The following CDH8 variants were observed in gnomAD, a reference collection of about 807,000 sequenced individuals.
The protein encoded by CDH8 is cadherin-8.
CDH8 carries 17 observed loss-of-function variants against 68.1 expected under a neutral mutation model. The observed-to-expected ratio is 0.25, with a 90% CI of 0.17 to 0.37. The LOEUF is 0.37. CDH8 is among the 10% of genes least tolerant of loss of function. The pLI is 1.00. For missense variants in CDH8, 763 were observed against 999.3 expected, an observed-to-expected ratio of 0.76 and a Z score of 3.19; for synonymous variants, 372 against 365.1, an observed-to-expected ratio of 1.02 and a Z score of -0.21.
At position 62,021,215 on chromosome 16, in the gene CDH8, C is replaced by G; in HGVS notation, c.189G>C (p.Trp63Cys). The G allele has an allele frequency of 6.2e-7, 1 of 1,614,024 alleles. No homozygotes were observed. Among genetic ancestry groups the G allele is most frequent in the Non-Finnish European group, 8.5e-7 (1 of 1,179,952 alleles). ...QRILNRSKRG[W>C]VWNQMFVLEE... Reference sequence around the variant, plus strand: ...CCAGGACAAACATTTGATTCCAAACCCAGCCTCTTTTGGAGCGGTTCAAAA... The same window carrying G: ...CCAGGACAAACATTTGATTCCAAACGCAGCCTCTTTTGGAGCGGTTCAAAA... Residue 63 changes from tryptophan (W) to cysteine (C), a missense_variant, in exon 2 of 12, where the codon TGG becomes TGC. Trp to Cys is a radical substitution (Grantham distance 215). Around this residue, in one of 2 missense-constraint regions of CDH8, gnomAD observed 366 missense variants for 563.1 expected, o/e 0.65. Coordinates refer to ENST00000577390, the MANE Select transcript of CDH8 (RefSeq NM_001796.5).
chr16:61,730,126 C>T (rs1959493789), intron 8 of CDH8, among the ~76,000 whole-genome samples: 1 of 151,344 alleles, frequency 6.6e-6, no homozygotes, highest in Non-Finnish European at 1.5e-5. Flanking sequence ...AATTTGGCCT[C>T]ATGGTTGCAA....
At chr16:62,015,031 A>C (rs2150607271) in intron 2 of CDH8, among the ~76,000 whole-genome samples, 1 of 152,174 alleles carries the variant, frequency 6.6e-6, no homozygotes, top group African/African-American at 2.4e-5. Flanking sequence ...ACACACACAC[A>C]CACAGAGGCT....
At chr16:61,848,153 A>T (rs189119789) in intron 4 of CDH8, among the ~76,000 whole-genome samples, 32 of 152,260 alleles carry the variant, frequency 2.1e-4, no homozygotes, top group Non-Finnish European at 3.8e-4. Context: ...GGGACATGAT[A>T]CATAGAAAGC....
intron 10 of CDH8, chr16:61,667,743 A>G (rs1028883712): frequency 2.0e-5 from 3 of 152,038 alleles, no homozygotes; most frequent in African/African-American, 7.2e-5. Flanking sequence ...TAGAAAATAA[A>G]TGCAATAAGA....
intron 11 of CDH8, 57 bp downstream of exon 11, chr16:61,655,413 A>C: frequency 7.6e-6 from 12 of 1,576,984 alleles, no homozygotes; most frequent in Non-Finnish European, 1.0e-5. Context: ...GTCCTTATTT[A>C]CAGTCATTTA....
At chr16:61,704,826 C>G (rs547081790) in intron 10 of CDH8, among the ~76,000 whole-genome samples, 36 of 152,200 alleles carry the variant, frequency 2.4e-4, no homozygotes, top group African/African-American at 8.2e-4. Flanking sequence ...TAGCATGAAC[C>G]CACTCATTTT....
In CDH8 at chr16:61,653,434, T is replaced by C. The variant is rs1963368458; in HGVS notation, c.*174A>G. The C allele has an allele frequency of 2.8e-6, 4 of 1,413,468 alleles. No individual in the cohort carries two copies. The highest frequency in any genetic ancestry group is 1.7e-5 in the South Asian group (1 of 59,016). The allele number at this position is 1,413,468 out of a possible 1,614,324, so 87.6% of individuals were successfully genotyped here. A position where few individuals can be genotyped will look rare whatever the true frequency, so the allele number is the denominator to read the frequency against. ...ACAAGATTTATAACCTCCTAACATA[T>C]ACTTTTTTATTTTATTATCTTTTTT... On this transcript the variant is annotated 3_prime_UTR_variant, in exon 12 of 12. Transcript: ENST00000577390.
At chr16:61,754,566 G>C (rs536340648) in intron 8 of CDH8, among the ~76,000 whole-genome samples, 4 of 151,616 alleles carry the variant, frequency 2.6e-5, no homozygotes, top group Non-Finnish European at 5.9e-5. Context: ...ATATTTTGAC[G>C]CATGTATAGA....
chr16:61,923,091 C>T (rs149955935), intron 2 of CDH8, among the ~76,000 whole-genome samples: 77 of 152,130 alleles, frequency 5.1e-4, no homozygotes, highest in Middle Eastern at 3.4e-3. Context: ...GCTTATTGAC[C>T]GGTAACAAAA....
At chr16:61,742,739 A>G (rs1959910850) in intron 8 of CDH8, among the ~76,000 whole-genome samples, 1 of 152,166 alleles carries the variant, frequency 6.6e-6, no homozygotes, top group African/African-American at 2.4e-5. Flanking sequence ...AGATTTGTAT[A>G]TCAGAAGCAG....
At chr16:61,820,314 GTTTT>G (rs545670875) in intron 6 of CDH8, among the ~76,000 whole-genome samples, 1 of 90,760 alleles carries the variant, frequency 1.1e-5, no homozygotes, top group Non-Finnish European at 2.1e-5. Flanking sequence ...TGCCTGTTTG[GTTTT>G]TTTTTTTTTT....
chr16:61,844,901 C>T (rs1225339558), intron 4 of CDH8, among the ~76,000 whole-genome samples: 2 of 152,096 alleles, frequency 1.3e-5, no homozygotes, highest in Non-Finnish European at 2.9e-5. Context: ...AAAAGTATGA[C>T]TTTGTAAAGT....
At chr16:61,914,688 C>T (rs939700429) in intron 2 of CDH8, among the ~76,000 whole-genome samples, 12 of 149,474 alleles carry the variant, frequency 8.0e-5, no homozygotes, top group African/African-American at 3.0e-4. Context: ...CAAACCTGCA[C>T]GTTGTGCACA....
Position 61,653,113 on chromosome 16 carries a change from T to A in CDH8, c.*495A>T, listed in dbSNP as rs1963361235. 2 of 1,256,910 alleles carry A rather than the reference T, an allele frequency of 1.6e-6. No homozygotes were observed. 77.9% of individuals were successfully genotyped at this position (1,256,910 alleles called of 1,614,324 possible). A position where few individuals can be genotyped will look rare whatever the true frequency, so the allele number is the denominator to read the frequency against. ...GGAGGCCTCTCAAAACTCCAAAAAG[T>A]TATAATGTACAGCAGACCAAGTATT... On this transcript the variant is annotated 3_prime_UTR_variant, in exon 12 of 12. Transcript: ENST00000577390.
chr16:61,808,833 A>G (rs185643369), intron 7 of CDH8, among the ~76,000 whole-genome samples: 1 of 152,266 alleles, frequency 6.6e-6, no homozygotes, highest in African/African-American at 2.4e-5. Context: ...TGTTCCCAGC[A>G]CAACAATTTC....
intron 2 of CDH8, among the ~76,000 whole-genome samples, chr16:61,982,305 C>T (rs1338090284): frequency 6.6e-6 from 1 of 152,014 alleles, no homozygotes; most frequent in Non-Finnish European, 1.5e-5. Flanking sequence ...ATGCAAGCTC[C>T]GCCTCCCGGG....
rs774070197 is a variant in CDH8, at chr16:61,821,036, T to C, written c.913A>G (p.Ile305Val). Residue 305 changes from isoleucine to valine, a missense_variant, in exon 6 of 12, where the codon ATT becomes GTT. By Grantham distance (29) the Ile-to-Val change is conservative (BLOSUM62 3). Transcript: ENST00000577390. ...TATGATGACTGTGCATTTTCACCAA[T>C]ATCCTGATCATTGGCCTTCACCCTT... ...IGRVKANDQD[I>V]GENAQSSYDI... 102 of 1,612,762 alleles carry C rather than the reference T, an allele frequency of 6.3e-5. No homozygotes were observed. The highest frequency in any genetic ancestry group is 1.2e-4 in the Admixed American group (7 of 59,864).
chr16:61,924,573 C>T (rs558982630), intron 2 of CDH8, among the ~76,000 whole-genome samples: 5 of 152,084 alleles, frequency 3.3e-5, no homozygotes, highest in South Asian at 2.1e-4. Context: ...AGTGTGTTCT[C>T]GTGTGAAGGT....
intron 5 of CDH8, 101 bp downstream of exon 5, chr16:61,824,911 A>G: frequency 2.0e-6 from 2 of 976,352 alleles, no homozygotes; most frequent in East Asian, 5.3e-5. Context: ...AAGCCACTCA[A>G]TAGTTGCTGT....
Sources: gnomAD v4.1 joint callset for allele counts (sites outside exome capture counted in the v4.1 genomes callset) on GRCh38, gnomAD v4.1.1 for gene constraint, gnomAD v4.1.1 regional missense constraint, MANE v1.5 for transcripts, NCBI Gene and HGNC (gene_info 2026-07-23, HGNC 2026-07-21) for gene names.